Variants in CACNA1H observed in about 807,000 individuals in gnomAD.
The protein encoded by CACNA1H is voltage-dependent T-type calcium channel subunit alpha-1H.
CACNA1H carries 149 observed loss-of-function variants against 192.5 expected under a neutral mutation model. The observed-to-expected ratio is 0.77, with a 90% CI of 0.68 to 0.89. The LOEUF (loss-of-function observed/expected upper bound fraction) is 0.89. CACNA1H is among the 40% of genes least tolerant of loss of function. The pLI is 0.00. For missense variants in CACNA1H, 4,257 were observed against 3,423.5 expected (o/e 1.24, Z -6.08); for synonymous variants, 2,202 against 1,475.2 (o/e 1.49, Z -11.29).
chr16:1,153,604 CTAAT>C (rs1168127615), intron 1 of CACNA1H, 112 bp from the exon 2 acceptor site: 2 of 572,520 alleles, frequency 3.5e-6, no homozygotes, highest in Non-Finnish European at 2.4e-6. Flanking sequence ...GCGTTTGTCT[CTAAT>C]AAGAAAAGAC....
Position 1,207,379 on chromosome 16 carries a change from T to C in CACNA1H, c.3012T>C (p.Tyr1004=), listed in dbSNP as rs537043174. 2.0e-4 allele frequency: 323 copies of C among 1,613,242 alleles called. No homozygotes were observed. The highest frequency in any genetic ancestry group is 2.6e-4 in the Non-Finnish European group (312 of 1,179,806). Residue 1004 remains tyrosine (Y), a synonymous_variant, in exon 14 of 35, where the codon TAT becomes TAC. Coordinates refer to ENST00000348261, the MANE Select transcript of CACNA1H (RefSeq NM_021098.3). ...YFVALMTFGN[Y]VLFNLLVAIL... ...TGGCCCTCATGACCTTCGGCAACTA[T>C]GTGCTCTTCAACCTGCTGGTGGCCA...
At position 1,212,497 on chromosome 16, in the gene CACNA1H, C is replaced by A. The variant is rs370900845; in HGVS notation, c.4760-14C>A. 1 of 1,610,710 alleles carries A rather than the reference C, an allele frequency of 6.2e-7. No homozygotes were observed. Among genetic ancestry groups the A allele is most frequent in the East Asian group, 2.2e-5 (1 of 44,750 alleles). On this transcript the variant is annotated splice_polypyrimidine_tract_variant and intron_variant, in intron 25 of 34. Coordinates refer to ENST00000348261, the MANE Select transcript of CACNA1H (RefSeq NM_021098.3). ...CACGCCCTCGGCCCTCAGACCATCT[C>A]CTTGTCTTTCCAGGCACTTTCCCCA...
chr16:1,208,909 C>T (rs867836597), intron 16 of CACNA1H, 123 bp from the exon 17 acceptor site: 13 of 1,073,674 alleles, frequency 1.2e-5, no homozygotes, highest in African/African-American at 1.7e-5. Context: ...TCCACCGTGC[C>T]TCCCTGGCGG....
At chr16:1,215,906 G>A (rs1182729655) in intron 30 of CACNA1H, among the ~76,000 whole-genome samples, 1 of 152,184 alleles carries the variant, frequency 6.6e-6, no homozygotes, top group East Asian at 1.9e-4. Flanking sequence ...CAAGGTGGGT[G>A]TGTGTGGGCA....
rs747719534 is a variant in CACNA1H, at chr16:1,220,692, G to A, written c.6760G>A (p.Ala2254Thr). ...AGCCAAGGGGGAGCGCTGGGGCCAGGCCTCCTGCCGGGCTGAGCACCTGAC... is the reference window on the plus strand; with the variant it reads ...AGCCAAGGGGGAGCGCTGGGGCCAGACCTCCTGCCGGGCTGAGCACCTGAC... ...PAAKGERWGQ[A>T]SCRAEHLTVP... Residue 2254 changes from alanine (A) to threonine (T), a missense_variant, in exon 35 of 35, where the codon GCC becomes ACC. By Grantham distance (58) the Ala-to-Thr change is moderately conservative. Transcript: ENST00000348261. 6.2e-7 allele frequency: 1 copy of A among 1,611,124 alleles called. No individual in the cohort carries two copies. Among genetic ancestry groups the A allele is most frequent in the Non-Finnish European group, 8.5e-7 (1 of 1,179,206 alleles).
In CACNA1H at chr16:1,183,157, C is replaced by T. The variant is rs112961113; in HGVS notation, c.300-11815C>T. ...AGGAAGTTCTGTGTCAGGCATGGAG[C>T]CCTGGAACCCGGTACCCTCCACCCC... On this transcript the variant is annotated intron_variant, in intron 2 of 34. Coordinates refer to ENST00000348261, the MANE Select transcript of CACNA1H (RefSeq NM_021098.3). Among the ~76,000 whole-genome samples the T allele has an allele frequency of 5.5e-3, 840 of 151,728 alleles. 5 individuals carry two copies. Among genetic ancestry groups the T allele is most frequent in the African/African-American group, 0.019 (805 of 41,402 alleles).
Position 1,200,175 on chromosome 16 carries a change from C to T in CACNA1H, c.804-81C>T, listed in dbSNP as rs559370494. On this transcript the variant is annotated intron_variant, in intron 6 of 34. Transcript: ENST00000348261. ...ATCACGTCCCTGACCTTGATCACGT[C>T]CCTGATCACAATCGTGCCCCCGACT... The T allele has an allele frequency of 2.1e-5, 24 of 1,164,944 alleles. No homozygotes were observed. The South Asian group carries it at 2.2e-4, about 11-fold the overall frequency. 72.2% of individuals were successfully genotyped at this position (1,164,944 alleles called of 1,614,324 possible). A position where few individuals can be genotyped will look rare whatever the true frequency, so the allele number is the denominator to read the frequency against.
chr16:1,162,282 C>A (rs1227280682), intron 2 of CACNA1H, among the ~76,000 whole-genome samples: 1 of 152,108 alleles, frequency 6.6e-6, no homozygotes, highest in Non-Finnish European at 1.5e-5. Context: ...TGCCAGGGTG[C>A]CCCCACCTGC....
rs748862698 is a variant in CACNA1H at position 1,162,638 on chromosome 16, G to GT, written c.299+8603dup. On this transcript the variant is annotated intron_variant, in intron 2 of 34. Coordinates refer to ENST00000348261, the MANE Select transcript of CACNA1H (RefSeq NM_021098.3). ...CGGCCAGCTCCTGCGGACACCTGGA[G>GT]TGGGGGGGGGGGGTCCATCCTAGGA... 2.3e-3 allele frequency among the ~76,000 whole-genome samples: 309 copies of GT among 132,208 alleles called. 2 individuals are homozygous for GT. Among genetic ancestry groups the GT allele is most frequent in the African/African-American group, 6.2e-3 (212 of 34,326 alleles). 86.7% of individuals were successfully genotyped at this position (132,208 alleles called of 152,430 possible). A position where few individuals can be genotyped will look rare whatever the true frequency, so the allele number is the denominator to read the frequency against.
At chr16:1,219,228 C>G in intron 34 of CACNA1H, 98 bp downstream of exon 34, 1 of 1,251,442 alleles carries the variant, frequency 8.0e-7, no homozygotes, top group South Asian at 1.6e-5. Context: ...GAGGACAAGG[C>G]AGGAGGAGGG....
At chr16:1,170,828 TTTTC>T (rs1225879850) in intron 2 of CACNA1H, among the ~76,000 whole-genome samples, 1 of 151,920 alleles carries the variant, frequency 6.6e-6, no homozygotes, top group African/African-American at 2.4e-5. Flanking sequence ...GCTGTGCAGG[TTTTC>T]TTTTTGTTTT....
chr16:1,213,684 C>T (rs1969724063), intron 26 of CACNA1H, 96 bp from the exon 27 acceptor site: 10 of 950,670 alleles, frequency 1.1e-5, no homozygotes, highest in Non-Finnish European at 1.5e-5. Context: ...CAACTTCTAC[C>T]CTACACTTGG....
rs376008324 is a variant in CACNA1H at position 1,208,006 on chromosome 16, C to A, written c.3155-7C>A. 7 of 1,597,856 alleles carry A rather than the reference C, an allele frequency of 4.4e-6. No homozygotes were observed. The highest frequency in any genetic ancestry group is 6.0e-6 in the Non-Finnish European group (7 of 1,173,096). Reference sequence around the variant, plus strand: ...TCTAGGGGCCCATTCCTCCCTCTGTCCCGCAGAGCTGAAGATGTGTTCCCT... The same window carrying A: ...TCTAGGGGCCCATTCCTCCCTCTGTACCGCAGAGCTGAAGATGTGTTCCCT... On this transcript the variant is annotated splice_region_variant and splice_polypyrimidine_tract_variant and intron_variant, in intron 15 of 34. Coordinates refer to ENST00000348261, the MANE Select transcript of CACNA1H (RefSeq NM_021098.3).
intron 9 of CACNA1H, among the ~76,000 whole-genome samples, chr16:1,203,523 G>A (rs1596416418): frequency 6.6e-6 from 1 of 152,252 alleles, no homozygotes; most frequent in South Asian, 2.1e-4. Context: ...GTGCCCAAAT[G>A]TATGGTTTTT....
At chr16:1,193,299 G>A (rs1445574769) in intron 2 of CACNA1H, among the ~76,000 whole-genome samples, 1 of 152,390 alleles carries the variant, frequency 6.6e-6, no homozygotes, top group East Asian at 1.9e-4. Context: ...GAGGCTGGGG[G>A]CGGAGCCGCC....
In CACNA1H at chr16:1,207,327, C is replaced by T. The variant is rs891172463; in HGVS notation, c.2960C>T (p.Thr987Ile). ...NVVLYNGMAS[T>I]SSWAALYFVA... The stretch of plus-strand genomic sequence containing the variant: ...GTCCTGTACAACGGCATGGCCTCCA[C>T]CTCCTCCTGGGCCGCCCTCTACTTC... The change falls in exon 14 of 35, where the codon ACC becomes ATC. Residue 987 changes from threonine to isoleucine, a missense_variant. Physicochemically the swap from Thr to Ile is moderately conservative, Grantham distance 89 (BLOSUM62 -1). Coordinates refer to ENST00000348261, the MANE Select transcript of CACNA1H (RefSeq NM_021098.3). The T allele has an allele frequency of 6.2e-6, 10 of 1,611,380 alleles. No homozygotes were observed. The South Asian group carries it at 8.8e-5, about 14-fold the overall frequency.
chr16:1,201,072 C>T (rs1967822618), intron 8 of CACNA1H, among the ~76,000 whole-genome samples: 1 of 152,110 alleles, frequency 6.6e-6, no homozygotes, highest in Non-Finnish European at 1.5e-5. Flanking sequence ...GCATAGCCTC[C>T]CAGCACCGCT....
In CACNA1H at chr16:1,204,453, G is replaced by C; in HGVS notation, c.2446G>C (p.Glu816Gln). 6.5e-7 allele frequency: 1 copy of C among 1,532,304 alleles called. No homozygotes were observed. Among genetic ancestry groups the C allele is most frequent in the East Asian group, 2.3e-5 (1 of 44,148 alleles). The allele number at this position is 1,532,304 out of a possible 1,614,324, so 94.9% of individuals were successfully genotyped here. A position where few individuals can be genotyped will look rare whatever the true frequency, so the allele number is the denominator to read the frequency against. The change falls in exon 10 of 35, where the codon GAG becomes CAG. Residue 816 changes from glutamate (E) to glutamine (Q), a missense_variant. Glu to Gln is a conservative substitution (Grantham distance 29). Transcript: ENST00000348261. ...GCTGAGCATGGGCGTGGAGTACCAT[G>C]AGCAGGTGCGGGCTGGCCTGGCCAC... ...NTLSMGVEYH[E>Q]QPEELTNALE...
In CACNA1H at chr16:1,174,849, C is replaced by T. The variant is rs569688235; in HGVS notation, c.300-20123C>T. 3.0e-3 allele frequency among the ~76,000 whole-genome samples: 453 copies of T among 152,318 alleles called. 3 individuals are homozygous for T. Among genetic ancestry groups the T allele is most frequent in the Middle Eastern group, 6.8e-3 (2 of 294 alleles). Reference sequence around the variant, plus strand: ...GCGTGGCCCTGGCCTCGAGGCTCCCCGGGGCCCAGGTCTGCAGCCAGCTGG... The same window carrying T: ...GCGTGGCCCTGGCCTCGAGGCTCCCTGGGGCCCAGGTCTGCAGCCAGCTGG... On this transcript the variant is annotated intron_variant, in intron 2 of 34. Transcript: ENST00000348261.
Sources: allele counts gnomAD v4.1 joint callset (sites outside exome capture counted in the v4.1 genomes callset), GRCh38; gene constraint gnomAD v4.1.1; transcripts MANE v1.5; gene names NCBI Gene and HGNC (gene_info 2026-07-23, HGNC 2026-07-21).